EPHB1: variants seen among roughly 807,000 people sequenced by gnomAD.
EPHB1 encodes the protein ephrin type-B receptor 1.
Under a neutral mutation model 94.4 loss-of-function variants are expected in EPHB1, and 30 were observed. The ratio of observed to expected loss-of-function variants is 0.32; its 90% CI spans 0.24 to 0.43. EPHB1 has a LOEUF of 0.43. EPHB1 is among the 20% of genes least tolerant of loss of function. EPHB1 has a pLI of 1.00. For missense variants in EPHB1, 1,055 were observed against 1,308.3 expected, an observed-to-expected ratio of 0.81 and a Z score of 2.99; for synonymous variants, 522 against 489.1, an observed-to-expected ratio of 1.07 and a Z score of -0.89.
intron 4 of EPHB1, among the ~76,000 whole-genome samples, chr3:135,116,988 G>A (rs1336316685): frequency 6.6e-6 from 1 of 152,200 alleles, no homozygotes; most frequent in Non-Finnish European, 1.5e-5. Context: ...GGCTTCACTT[G>A]GGTGTGACAA....
intron 4 of EPHB1, among the ~76,000 whole-genome samples, chr3:135,111,031 C>G (rs1268703276): frequency 6.6e-6 from 1 of 152,114 alleles, no homozygotes; most frequent in Non-Finnish European, 1.5e-5. Context: ...TTTGGTATGA[C>G]AGAAACAGAA....
At chr3:135,210,118 TATTCTCAAATTCTCA>T (rs981251294) in intron 12 of EPHB1, among the ~76,000 whole-genome samples, 1 of 152,210 alleles carries the variant, frequency 6.6e-6, no homozygotes, top group Non-Finnish European at 1.5e-5. Flanking sequence ...TCAGAATAGT[TATTCTCAAATTCTCA>T]ATTCTCAAAT....
intron 1 of EPHB1, among the ~76,000 whole-genome samples, chr3:134,873,109 A>G (rs2037537618): frequency 6.6e-6 from 1 of 152,334 alleles, no homozygotes; most frequent in East Asian, 1.9e-4. Context: ...AATTAGAATT[A>G]TGCCATTTTA....
intron 1 of EPHB1, among the ~76,000 whole-genome samples, chr3:134,923,022 G>A (rs907415329): frequency 6.6e-6 from 1 of 152,182 alleles, no homozygotes. Context: ...TGTAAATTTG[G>A]TGTGTCATGA....
At chr3:135,050,073 C>T (rs253876) in intron 3 of EPHB1, among the ~76,000 whole-genome samples, 109,075 of 152,180 alleles carry the variant, frequency 0.72, 40,703 homozygotes, top group African/African-American at 0.92. Context: ...CAGTTTGTTT[C>T]CTGTTGCTGG....
intron 2 of EPHB1, among the ~76,000 whole-genome samples, chr3:134,926,519 T>C (rs182401479): frequency 6.6e-6 from 1 of 152,168 alleles, no homozygotes; most frequent in East Asian, 1.9e-4. Context: ...ACAGATGTTG[T>C]AAAGAGAGCC....
chr3:135,075,043 A>G lies in EPHB1; in HGVS notation c.806-31405A>G, dbSNP rs72975580. On this transcript the variant is annotated intron_variant, in intron 3 of 15. Transcript: ENST00000398015. Reference sequence around the variant, plus strand: ...AGTTTGGTGGGAGCAGGAGGTGCCAACCAGGTTAGGAAAGATTTCTGGGAT... The same window carrying G: ...AGTTTGGTGGGAGCAGGAGGTGCCAGCCAGGTTAGGAAAGATTTCTGGGAT... 4.7e-3 allele frequency among the ~76,000 whole-genome samples: 710 copies of G among 152,290 alleles called. 9 individuals are homozygous for G. The highest frequency in any genetic ancestry group is 0.016 in the African/African-American group (683 of 41,550).
At chr3:135,079,913 C>T (rs918619112) in intron 3 of EPHB1, among the ~76,000 whole-genome samples, 1 of 152,012 alleles carries the variant, frequency 6.6e-6, no homozygotes, top group Admixed American at 6.6e-5. Context: ...CATGGCCATC[C>T]CAAGTCCATT....
chr3:135,192,904 C>A, intron 11 of EPHB1, 81 bp downstream of exon 11: 1 of 1,547,000 alleles, frequency 6.5e-7, no homozygotes. Context: ...TGAGCACAAC[C>A]TACCAATCAG....
chr3:135,029,367 G>C (rs1329142182), intron 3 of EPHB1, among the ~76,000 whole-genome samples: 1 of 151,742 alleles, frequency 6.6e-6, no homozygotes, highest in Non-Finnish European at 1.5e-5. Flanking sequence ...GGTACTGGTT[G>C]TTCCTTTCCA....
At chr3:135,083,598 A>G (rs994839526) in intron 3 of EPHB1, among the ~76,000 whole-genome samples, 1 of 151,822 alleles carries the variant, frequency 6.6e-6, no homozygotes, top group Non-Finnish European at 1.5e-5. Flanking sequence ...GGGTGAGAGT[A>G]AGGGGAGTGT....
chr3:135,061,373 C>CCT, intron 3 of EPHB1, among the ~76,000 whole-genome samples: 1 of 135,942 alleles, frequency 7.4e-6, no homozygotes, highest in African/African-American at 2.6e-5. Flanking sequence ...TGACCACCCC[C>CCT]CCCGACCCAA....
At chr3:135,242,976 T>G (rs1029435142) in intron 13 of EPHB1, among the ~76,000 whole-genome samples, 1 of 149,084 alleles carries the variant, frequency 6.7e-6, no homozygotes, top group Non-Finnish European at 1.5e-5. Flanking sequence ...CTCGGGAGAC[T>G]GAGGCACGAA....
At chr3:135,052,981 A>ATG (rs1300255342) in intron 3 of EPHB1, among the ~76,000 whole-genome samples, 2 of 109,884 alleles carry the variant, frequency 1.8e-5, no homozygotes, top group Non-Finnish European at 3.4e-5. Context: ...GTGTATATAT[A>ATG]TGTGTGTGTA....
At chr3:135,122,845 G>T (rs1019022975) in intron 4 of EPHB1, among the ~76,000 whole-genome samples, 4 of 152,282 alleles carry the variant, frequency 2.6e-5, no homozygotes, top group Admixed American at 6.5e-5. Context: ...GTCCCTCCTT[G>T]TTTTGACTAA....
chr3:135,087,829 A>T (rs542971205), intron 3 of EPHB1, among the ~76,000 whole-genome samples: 1 of 152,144 alleles, frequency 6.6e-6, no homozygotes, highest in African/African-American at 2.4e-5. Context: ...GGTCCTGTGG[A>T]AAAAGCAGCC....
chr3:134,953,230 G>A (rs923573839), intron 3 of EPHB1, among the ~76,000 whole-genome samples: 1 of 152,208 alleles, frequency 6.6e-6, no homozygotes, highest in South Asian at 2.1e-4. Flanking sequence ...ACCTGCAGCT[G>A]AAGTGCCAAG....
intron 4 of EPHB1, among the ~76,000 whole-genome samples, chr3:135,121,894 A>G (rs960646449): frequency 3.3e-5 from 5 of 151,978 alleles, no homozygotes; most frequent in African/African-American, 1.2e-4. Flanking sequence ...CCAGATAACT[A>G]TATCAGGCAG....
chr3:134,946,657 A>T (rs540431154), intron 2 of EPHB1, among the ~76,000 whole-genome samples: 4 of 152,230 alleles, frequency 2.6e-5, no homozygotes, highest in Admixed American at 2.6e-4. Context: ...ATGGCAGGGG[A>T]TCCCTCATGA....
Sources: gnomAD v4.1 joint callset for allele counts (sites outside exome capture counted in the v4.1 genomes callset) on GRCh38, gnomAD v4.1.1 for gene constraint, MANE v1.5 for transcripts, NCBI Gene and HGNC (gene_info 2026-07-23, HGNC 2026-07-21) for gene names.